The following ADGRV1 variants were observed in gnomAD, a reference collection of about 807,000 sequenced individuals.
The protein encoded by ADGRV1 is adhesion G protein-coupled receptor V1.
ADGRV1 carries 359 observed loss-of-function variants against 596.2 expected under a neutral mutation model. The observed-to-expected ratio is 0.60, with a 90% CI of 0.55 to 0.66. The LOEUF is 0.66. Among genes scored for constraint, ADGRV1 ranks in the 30% least tolerant of loss-of-function variants. The pLI, the probability that ADGRV1 is intolerant of heterozygous loss-of-function variation, is 0.00. For synonymous variants in ADGRV1, 2,681 were observed against 2,679.2 expected, an observed-to-expected ratio of 1.00 and a Z score of -0.02; for missense variants, 7,274 against 7,575.6, an observed-to-expected ratio of 0.96 and a Z score of 1.48.
chr5:90,705,024 G>T (rs1446045926), intron 36 of ADGRV1, among the ~76,000 whole-genome samples: 1 of 152,112 alleles, frequency 6.6e-6, no homozygotes, highest in African/African-American at 2.4e-5. Flanking sequence ...TGGCCAGGAT[G>T]ATCTCAATCT....
At chr5:90,854,406 G>A (rs1766827510) in intron 81 of ADGRV1, among the ~76,000 whole-genome samples, 2 of 152,158 alleles carry the variant, frequency 1.3e-5, no homozygotes, top group Admixed American at 6.5e-5. Context: ...TTCAATATGT[G>A]TGTAACACAT....
In ADGRV1 at chr5:91,164,267, A is replaced by G. The variant is rs901376218; in HGVS notation, c.*367A>G. 6.1e-6 allele frequency: 2 copies of G among 329,738 alleles called. No individual in the cohort carries two copies. The highest frequency in any genetic ancestry group is 8.0e-5 in the Admixed American group (2 of 25,110). The allele number at this position is 329,738 out of a possible 1,614,324, so 20.4% of individuals were successfully genotyped here. ...GATAAAGAAACATTGTGCATGGGCA[A>G]AAAAAGCTAACTCTATATGTAGATG... is the stretch of plus-strand genomic sequence containing the variant. On this transcript the variant is annotated 3_prime_UTR_variant, in exon 90 of 90. Coordinates refer to ENST00000405460, the MANE Select transcript of ADGRV1 (RefSeq NM_032119.4).
At position 90,728,825 on chromosome 5, in the gene ADGRV1, A is replaced by C; in HGVS notation, c.10318A>C (p.Ser3440Arg). The C allele has an allele frequency of 6.2e-7, 1 of 1,613,972 alleles. No homozygotes were observed. Among genetic ancestry groups the C allele is most frequent in the South Asian group, 1.1e-5 (1 of 91,088 alleles). Residue 3440 changes from serine to arginine, a missense_variant, in exon 49 of 90, where the codon AGT becomes CGT. By Grantham distance (110) the Ser-to-Arg change is moderately radical. Coordinates refer to ENST00000405460, the MANE Select transcript of ADGRV1 (RefSeq NM_032119.4). ...CTCCCTTTTATTCAGATGGTCTGGCAGTGGGTTTATTAACTTTCAAGAGGT... is the reference window on the plus strand; with the variant it reads ...CTCCCTTTTATTCAGATGGTCTGGCCGTGGGTTTATTAACTTTCAAGAGGT... ...LNSLLFRWSG[S>R]GFINFQEVPV...
At chr5:90,921,583 A>T (rs904744381) in intron 83 of ADGRV1, among the ~76,000 whole-genome samples, 33 of 152,058 alleles carry the variant, frequency 2.2e-4, no homozygotes, top group African/African-American at 8.0e-4. Context: ...CTTTTTCTTT[A>T]ACTCAAATAA....
chr5:90,978,717 C>T (rs913032604), intron 84 of ADGRV1, among the ~76,000 whole-genome samples: 2 of 151,986 alleles, frequency 1.3e-5, no homozygotes, highest in African/African-American at 4.8e-5. Context: ...ATTGTGTACC[C>T]ATTTTAATTA....
chr5:91,011,644 T>C (rs7709637), intron 85 of ADGRV1, among the ~76,000 whole-genome samples: 1,688 of 152,088 alleles, frequency 0.011, 33 homozygotes, highest in African/African-American at 0.038. Context: ...AATTTAAATT[T>C]CTGTGTTCTT....
intron 83 of ADGRV1, among the ~76,000 whole-genome samples, chr5:90,873,798 A>C (rs1240647757): frequency 5.3e-5 from 5 of 94,954 alleles, no homozygotes; most frequent in African/African-American, 1.8e-4. Flanking sequence ...CTCTTAAAAA[A>C]AGAAAGGAAA....
Position 90,629,276 on chromosome 5 carries a change from C to G in ADGRV1, c.1576C>G (p.Gln526Glu). 1.2e-6 allele frequency: 2 copies of G among 1,612,176 alleles called. No individual in the cohort carries two copies. Among genetic ancestry groups the G allele is most frequent in the Non-Finnish European group, 1.7e-6 (2 of 1,179,300 alleles). The change falls in exon 9 of 90, where the codon CAG becomes GAG. Residue 526 changes from glutamine to glutamate, a missense_variant. Gln to Glu is a conservative substitution (Grantham distance 29). Coordinates refer to ENST00000405460, the MANE Select transcript of ADGRV1 (RefSeq NM_032119.4). ...GLITFFPMENQKIESSPGERY... is the reference protein window; with the variant it reads ...GLITFFPMENEKIESSPGERY... Reference sequence around the variant, plus strand: ...AATAACATTTTTTCCTATGGAAAACCAGAAGATTGAAAGCAGCCCAGGTGA... The same window carrying G: ...AATAACATTTTTTCCTATGGAAAACGAGAAGATTGAAAGCAGCCCAGGTGA...
At chr5:90,931,990 G>C (rs967369759) in intron 83 of ADGRV1, among the ~76,000 whole-genome samples, 2 of 152,170 alleles carry the variant, frequency 1.3e-5, no homozygotes, top group African/African-American at 4.8e-5. Context: ...TCTAGCTTTA[G>C]ATTTTTACTT....
intron 74 of ADGRV1, among the ~76,000 whole-genome samples, chr5:90,813,567 C>T (rs554052306): frequency 5.9e-5 from 9 of 152,292 alleles, no homozygotes; most frequent in Non-Finnish European, 1.0e-4. Flanking sequence ...GTAATGTTTA[C>T]CTTCCCTACA....
At chr5:91,101,731 TCTC>T (rs1355284548) in intron 86 of ADGRV1, among the ~76,000 whole-genome samples, 1 of 152,104 alleles carries the variant, frequency 6.6e-6, no homozygotes, top group Non-Finnish European at 1.5e-5. Context: ...TTTGGTGTCT[TCTC>T]AGTCAGAAAA....
intron 83 of ADGRV1, among the ~76,000 whole-genome samples, chr5:90,946,289 A>G (rs181999819): frequency 4.6e-5 from 7 of 152,268 alleles, no homozygotes; most frequent in African/African-American, 7.2e-5. Context: ...GCAAGATCAT[A>G]TAGGGCATTG....
At chr5:90,829,208 T>G (rs1170157606) in intron 77 of ADGRV1, 22 bp downstream of exon 77, 1 of 1,429,872 alleles carries the variant, frequency 7.0e-7, no homozygotes, top group East Asian at 2.3e-5. Context: ...ATATATATAT[T>G]CATACACGTT....
chr5:90,749,165 A>G (rs542258657), intron 52 of ADGRV1, among the ~76,000 whole-genome samples: 34 of 152,304 alleles, frequency 2.2e-4, no homozygotes, highest in Admixed American at 7.2e-4. Context: ...TTCTGGAGAC[A>G]TACAATTACT....
chr5:90,867,223 A>T (rs904779595), intron 83 of ADGRV1, among the ~76,000 whole-genome samples: 1 of 152,198 alleles, frequency 6.6e-6, no homozygotes, highest in Non-Finnish European at 1.5e-5. Context: ...TGATGAAAAG[A>T]TAGAACTGTA....
At chr5:90,686,408 T>C (rs1019464779) in intron 29 of ADGRV1, among the ~76,000 whole-genome samples, 1 of 152,046 alleles carries the variant, frequency 6.6e-6, no homozygotes, top group Admixed American at 6.6e-5. Context: ...TGTTCCCCTT[T>C]CTGTGTCCAT....
At chr5:90,798,381 G>A (rs1279175021) in intron 70 of ADGRV1, among the ~76,000 whole-genome samples, 1 of 152,188 alleles carries the variant, frequency 6.6e-6, no homozygotes, top group African/African-American at 2.4e-5. Context: ...CCAGGAAGAA[G>A]TCGAATCCCT....
intron 83 of ADGRV1, among the ~76,000 whole-genome samples, chr5:90,878,833 C>T (rs1225373549): frequency 6.6e-6 from 1 of 152,132 alleles, no homozygotes; most frequent in African/African-American, 2.4e-5. Flanking sequence ...TTTGTTGTTG[C>T]ACTTTACACT....
chr5:90,749,955 A>G (rs1255098444), intron 52 of ADGRV1, among the ~76,000 whole-genome samples: 1 of 152,222 alleles, frequency 6.6e-6, no homozygotes, highest in Non-Finnish European at 1.5e-5. Flanking sequence ...AAACACCATC[A>G]AAGGAGGCAG....
Sources: gnomAD v4.1 joint callset for allele counts (sites outside exome capture counted in the v4.1 genomes callset) on GRCh38, gnomAD v4.1.1 for gene constraint, MANE v1.5 for transcripts, NCBI Gene and HGNC (gene_info 2026-07-23, HGNC 2026-07-21) for gene names.